The following ZNF469 variants were observed in gnomAD, a reference collection of about 807,000 sequenced individuals.
ZNF469 encodes the protein zinc finger protein 469.
A neutral mutation model predicts 1.0 loss-of-function variants in ZNF469; 1 was observed. The observed-to-expected ratio is 1.00, with a 90% CI of 0.35 to 4.73. ZNF469 has a LOEUF of 4.73. ZNF469 is among the 30% of genes most tolerant of loss of function. ZNF469 has a pLI of 0.16. For missense variants in ZNF469, 6,100 were observed against 5,356.3 expected (o/e 1.14, Z -4.33); for synonymous variants, 2,703 against 2,363.4 (o/e 1.14, Z -4.17).
At chr16:88,412,008 C>T (rs990451753) in intron 1 of ZNF469, among the ~76,000 whole-genome samples, 1 of 152,306 alleles carries the variant, frequency 6.6e-6, no homozygotes, top group Non-Finnish European at 1.5e-5. Context: ...CCTGGGGTCC[C>T]AAGACCCTGT....
At chr16:88,229,257 A>G in the ZNF469 span, among the ~76,000 whole-genome samples, 4 of 152,236 alleles carry the variant, frequency 2.6e-5, no homozygotes, top group Non-Finnish European at 4.4e-5. Context: ...AGATCTTGAC[A>G]AGACATGGCA....
intron 1 of ZNF469, among the ~76,000 whole-genome samples, chr16:88,414,734 G>A (rs926178483): frequency 6.6e-6 from 1 of 152,256 alleles, no homozygotes; most frequent in African/African-American, 2.4e-5. Context: ...CCCTGCCCCA[G>A]GGAACAGGGC....
the ZNF469 span, among the ~76,000 whole-genome samples, chr16:88,336,626 C>T: frequency 6.6e-6 from 1 of 152,148 alleles, no homozygotes; most frequent in African/African-American, 2.4e-5. Context: ...ACGTGAGACA[C>T]TAACGTGCCA....
At chr16:88,229,704 CGT>C in the ZNF469 span, among the ~76,000 whole-genome samples, 1 of 152,132 alleles carries the variant, frequency 6.6e-6, no homozygotes, top group African/African-American at 2.4e-5. Context: ...GGATGTCACA[CGT>C]GTGTGCTGAT....
the ZNF469 span, among the ~76,000 whole-genome samples, chr16:88,159,625 GC>G: frequency 6.6e-6 from 1 of 152,158 alleles, no homozygotes; most frequent in African/African-American, 2.4e-5. Context: ...CAACAGCTGA[GC>G]CTCCTTTTCT....
the ZNF469 span, among the ~76,000 whole-genome samples, chr16:88,189,811 T>C: frequency 1.3e-5 from 2 of 152,012 alleles, no homozygotes; most frequent in African/African-American, 4.8e-5. The surrounding 1 kb of genome is among the most constrained non-coding windows in gnomAD (Gnocchi z 4.3). Context: ...CCCAAGTACT[T>C]GGGAGGCTGA....
chr16:88,174,463 C>CATCT, the ZNF469 span, among the ~76,000 whole-genome samples: 2 of 126,764 alleles, frequency 1.6e-5, no homozygotes, highest in South Asian at 6.0e-4. Flanking sequence ...ATTTGTCTGT[C>CATCT]GTCTGTCTGT....
At chr16:88,223,028 G>A in the ZNF469 span, among the ~76,000 whole-genome samples, 4 of 152,228 alleles carry the variant, frequency 2.6e-5, no homozygotes, top group Non-Finnish European at 5.9e-5. Flanking sequence ...CCACACAAGG[G>A]TAAAAACCTG....
the ZNF469 span, among the ~76,000 whole-genome samples, chr16:88,247,528 GTGAGTGAGTGAA>G: frequency 1.3e-5 from 2 of 151,346 alleles, no homozygotes; most frequent in Non-Finnish European, 2.9e-5. Context: ...GAGTGAATGA[GTGAGTGAGTGAA>G]TGAGTGAATG....
the ZNF469 span, among the ~76,000 whole-genome samples, chr16:88,220,915 TTGC>T: frequency 1.3e-5 from 2 of 151,406 alleles, no homozygotes; most frequent in Non-Finnish European, 2.9e-5. Flanking sequence ...GGGTCTCAAA[TTGC>T]TGCCATCCAC....
the ZNF469 span, among the ~76,000 whole-genome samples, chr16:88,327,802 C>T: frequency 6.6e-6 from 1 of 152,222 alleles, no homozygotes; most frequent in African/African-American, 2.4e-5. Flanking sequence ...GCAGTGTGGT[C>T]GGAGCTGACT....
chr16:88,408,714 C>T (rs1313487089), intron 1 of ZNF469, among the ~76,000 whole-genome samples: 1 of 152,062 alleles, frequency 6.6e-6, no homozygotes, highest in African/African-American at 2.4e-5. Flanking sequence ...CATGGGCTTC[C>T]CAGGCCAGCC....
chr16:88,301,674 A>G, the ZNF469 span, among the ~76,000 whole-genome samples: 1 of 152,186 alleles, frequency 6.6e-6, no homozygotes, highest in African/African-American at 2.4e-5. Flanking sequence ...AGTGGTCATG[A>G]GATGCCGTCC....
the ZNF469 span, among the ~76,000 whole-genome samples, chr16:88,123,382 C>T: frequency 5.3e-5 from 8 of 152,266 alleles, no homozygotes; most frequent in African/African-American, 1.2e-4. Context: ...GGATATACTG[C>T]GGTTTGTTTG....
the ZNF469 span, among the ~76,000 whole-genome samples, chr16:88,322,616 C>T: frequency 6.6e-6 from 1 of 152,210 alleles, no homozygotes; most frequent in Non-Finnish European, 1.5e-5. Flanking sequence ...GAGCAGGCGG[C>T]ACCACCACTC....
chr16:88,436,693 T>C lies in ZNF469; in HGVS notation c.9223T>C (p.Phe3075Leu), dbSNP rs1567516010. 1 of 1,550,090 alleles carries C rather than the reference T, an allele frequency of 6.5e-7. No homozygotes were observed. Among genetic ancestry groups the C allele is most frequent in the Non-Finnish European group, 8.7e-7 (1 of 1,146,790 alleles). The change falls in exon 3 of 3, where the codon TTC (phenylalanine) becomes CTC (leucine). Residue 3075 changes from phenylalanine (F) to leucine (L), a missense_variant. Transcript: ENST00000565624. The stretch of plus-strand genomic sequence containing the variant: ...CCCCGTGGGTCTCCCCGGCCCCAGC[T>C]TCTTAGACTTCGAGGGCACGGCGAG... The part of the protein sequence containing the change: ...EDPVGLPGPS[F>L]LDFEGTASSQ...
chr16:88,253,555 G>C, the ZNF469 span, among the ~76,000 whole-genome samples: 10 of 150,586 alleles, frequency 6.6e-5, no homozygotes, highest in South Asian at 1.5e-3. Context: ...TTTTGTTTTT[G>C]GAGATGGAGT....
chr16:88,113,940 G>A, the ZNF469 span, among the ~76,000 whole-genome samples: 2 of 152,306 alleles, frequency 1.3e-5, no homozygotes, highest in South Asian at 4.1e-4. Flanking sequence ...CCTGGCTCCT[G>A]CCAGGGCCGC....
At chr16:88,313,427 C>G in the ZNF469 span, among the ~76,000 whole-genome samples, 1 of 152,238 alleles carries the variant, frequency 6.6e-6, no homozygotes, top group African/African-American at 2.4e-5. Flanking sequence ...AAAAAATGTT[C>G]AATCCTAGTG....
Sources: gnomAD v4.1 joint callset for allele counts (sites outside exome capture counted in the v4.1 genomes callset) on GRCh38, gnomAD v4.1.1 for gene constraint, Gnocchi (gnomAD v3.1) non-coding constraint, MANE v1.5 for transcripts, NCBI Gene and HGNC (gene_info 2026-07-23, HGNC 2026-07-21) for gene names.